EBF1: variants seen among roughly 807,000 people sequenced by gnomAD.
EBF1 encodes transcription factor COE1.
EBF1 carries 10 observed loss-of-function variants against 68.4 expected under a neutral mutation model. The ratio of observed to expected loss-of-function variants is 0.15; its 90% CI spans 0.09 to 0.25. The LOEUF is 0.25. Ranked by LOEUF, EBF1 falls within the 10% of genes least tolerant of loss-of-function variation. The pLI, the probability that EBF1 is intolerant of heterozygous loss-of-function variation, is 1.00. For synonymous variants in EBF1, 298 were observed against 299.8 expected, an observed-to-expected ratio of 0.99 and a Z score of 0.06; for missense variants, 509 against 794.4, an observed-to-expected ratio of 0.64 and a Z score of 4.32.
At chr5:159,069,682 C>T (rs780436830) in intron 6 of EBF1, among the ~76,000 whole-genome samples, 1 of 151,976 alleles carries the variant, frequency 6.6e-6, no homozygotes, top group African/African-American at 2.4e-5. Context: ...TTCAGACTAC[C>T]CTATGTGACT....
chr5:158,802,895 G>A (rs140814588), intron 8 of EBF1, among the ~76,000 whole-genome samples: 2 of 152,146 alleles, frequency 1.3e-5, no homozygotes, highest in South Asian at 4.2e-4. Context: ...GTTTATTTAC[G>A]AGAATACCCT....
chr5:159,086,639 C>G (rs1163546645), intron 4 of EBF1, among the ~76,000 whole-genome samples: 1 of 152,138 alleles, frequency 6.6e-6, no homozygotes, highest in East Asian at 1.9e-4. Flanking sequence ...CTCAGTGTAT[C>G]AAATCATGTT....
At chr5:159,097,680 T>A in intron 1 of EBF1, 1 of 233,892 alleles carries the variant, frequency 4.3e-6, no homozygotes. Flanking sequence ...CCAAAAAGCA[T>A]GTGGAGAAGG....
intron 6 of EBF1, among the ~76,000 whole-genome samples, chr5:158,952,114 C>G (rs1583425469): frequency 6.6e-6 from 1 of 152,160 alleles, no homozygotes. Context: ...AGGGCCAGGC[C>G]GGCCTCTCAG....
At chr5:158,910,118 AT>A (rs1365221176) in intron 6 of EBF1, among the ~76,000 whole-genome samples, 1 of 152,144 alleles carries the variant, frequency 6.6e-6, no homozygotes, top group African/African-American at 2.4e-5. Context: ...TCATTGAGCT[AT>A]GGAATTTGTC....
intron 6 of EBF1, among the ~76,000 whole-genome samples, chr5:159,047,141 A>G (rs1003983463): frequency 6.6e-6 from 1 of 152,212 alleles, no homozygotes; most frequent in East Asian, 1.9e-4. Context: ...AGAGCATCCT[A>G]TGCTGGGAAC....
At chr5:158,897,314 A>G (rs972486796) in intron 6 of EBF1, among the ~76,000 whole-genome samples, 2 of 152,138 alleles carry the variant, frequency 1.3e-5, no homozygotes, top group African/African-American at 4.8e-5. Flanking sequence ...CTAACACAAA[A>G]CAGAAAACCA....
At chr5:159,084,644 G>T (rs1382307948) in intron 5 of EBF1, 22 bp downstream of exon 5, 3 of 1,531,490 alleles carry the variant, frequency 2.0e-6, no homozygotes, top group Non-Finnish European at 2.6e-6. Flanking sequence ...TAATTAACGG[G>T]AGAGACCAAG....
At chr5:158,840,460 A>G (rs1162208574) in intron 6 of EBF1, among the ~76,000 whole-genome samples, 3 of 152,184 alleles carry the variant, frequency 2.0e-5, no homozygotes, top group Non-Finnish European at 4.4e-5. Context: ...CAACGACAAC[A>G]TGCAGTTTAA....
Position 159,050,504 on chromosome 5 carries a change from C to CA in EBF1, c.554+22891_554+22892insT, listed in dbSNP as rs377227021. 4.5e-3 allele frequency among the ~76,000 whole-genome samples: 680 copies of CA among 152,308 alleles called. 6 individuals are homozygous for CA. Among genetic ancestry groups the CA allele is most frequent in the Middle Eastern group, 0.024 (7 of 294 alleles). On this transcript the variant is annotated intron_variant, in intron 6 of 15. Transcript: ENST00000313708. ...ATGTCACCAGAGACAGCAGATGTCC[C>CA]TTGACTTTAGTGACTTGGCCTTCAG...
intron 11 of EBF1, among the ~76,000 whole-genome samples, chr5:158,720,978 C>T (rs1216694621): frequency 1.3e-5 from 2 of 152,138 alleles, no homozygotes; most frequent in African/African-American, 2.4e-5. Context: ...ATACTTTTTG[C>T]CCAGAGTCTT....
At chr5:158,862,453 T>C (rs371997607) in intron 6 of EBF1, among the ~76,000 whole-genome samples, 31 of 152,266 alleles carry the variant, frequency 2.0e-4, no homozygotes, top group African/African-American at 7.0e-4. Context: ...CTACAATGCA[T>C]TGAAACCCAT....
chr5:158,996,268 T>G (rs1309677587), intron 6 of EBF1, among the ~76,000 whole-genome samples: 1 of 152,218 alleles, frequency 6.6e-6, no homozygotes, highest in East Asian at 1.9e-4. Flanking sequence ...AACAAACATG[T>G]CCGGGACTTT....
intron 6 of EBF1, among the ~76,000 whole-genome samples, chr5:158,984,523 C>T (rs1049678517): frequency 3.9e-5 from 6 of 151,934 alleles, no homozygotes; most frequent in Non-Finnish European, 1.5e-5. Context: ...GTAAGAGTGC[C>T]GTTTTCAATT....
chr5:158,803,352 G>C (rs1780969349), intron 8 of EBF1, among the ~76,000 whole-genome samples: 1 of 78,774 alleles, frequency 1.3e-5, no homozygotes, highest in African/African-American at 5.9e-5. Flanking sequence ...GTTTTTGCTG[G>C]TGTTTTTTTT....
At chr5:158,963,914 C>T (rs1418362830) in intron 6 of EBF1, among the ~76,000 whole-genome samples, 4 of 152,176 alleles carry the variant, frequency 2.6e-5, no homozygotes, top group Non-Finnish European at 1.5e-5. Flanking sequence ...TAATATCCTG[C>T]ACCCTGCCCT....
rs139136852 is a variant in EBF1 at position 159,063,535 on chromosome 5, A to T, written c.554+9861T>A. On this transcript the variant is annotated intron_variant, in intron 6 of 15. Transcript: ENST00000313708. Reference sequence around the variant, plus strand: ...TATTTTTGGGGGACTGGGGGCAGAGATCAACCCTGAGACACTGAGAAAGCT... The same window carrying T: ...TATTTTTGGGGGACTGGGGGCAGAGTTCAACCCTGAGACACTGAGAAAGCT... 2.2e-4 allele frequency among the ~76,000 whole-genome samples: 34 copies of T among 152,292 alleles called. No individual in the cohort carries two copies. In the East Asian group the frequency reaches 6.6e-3, roughly 29 times the overall value.
At chr5:158,946,933 C>CTCCCCCT (rs1814877505) in intron 6 of EBF1, among the ~76,000 whole-genome samples, 1 of 152,196 alleles carries the variant, frequency 6.6e-6, no homozygotes, top group Non-Finnish European at 1.5e-5. Flanking sequence ...GGCTCTGTGG[C>CTCCCCCT]ACTGCAGTGA....
chr5:159,017,689 TGAATTTA>T (rs779158382), intron 6 of EBF1, among the ~76,000 whole-genome samples: 8 of 152,238 alleles, frequency 5.3e-5, no homozygotes, highest in Non-Finnish European at 1.0e-4. Flanking sequence ...CCATGAACTC[TGAATTTA>T]AATGGGGTCA....
Sources: allele counts gnomAD v4.1 joint callset (sites outside exome capture counted in the v4.1 genomes callset), GRCh38; gene constraint gnomAD v4.1.1; transcripts MANE v1.5; gene names NCBI Gene and HGNC (gene_info 2026-07-23, HGNC 2026-07-21).